Variants in PCDHA3 observed in about 807,000 individuals in gnomAD.
PCDHA3 encodes protocadherin alpha 3.
In PCDHA3, 41 loss-of-function variants were observed where a neutral mutation model predicts 62.2. The ratio of observed to expected loss-of-function variants is 0.66; its 90% CI spans 0.51 to 0.86. The LOEUF (loss-of-function observed/expected upper bound fraction) is 0.86, where lower values mean the gene tolerates loss of function less well. Among genes scored for constraint, PCDHA3 ranks in the 40% least tolerant of loss-of-function variants. The pLI is 0.00. For missense variants in PCDHA3, 1,304 were observed against 1,241.2 expected (o/e 1.05, Z -0.76); for synonymous variants, 640 against 555.4 (o/e 1.15, Z -2.14).
chr5:140,843,519 G>A, intron 1 of PCDHA3: 1 of 1,595,904 alleles, frequency 6.3e-7, no homozygotes, highest in Non-Finnish European at 8.6e-7. Context: ...GGCGGGTGCC[G>A]GGCGGGCAAG....
intron 1 of PCDHA3, chr5:140,821,891 A>T (rs2150111674): frequency 6.2e-7 from 1 of 1,614,232 alleles, no homozygotes; most frequent in African/African-American, 1.3e-5. Context: ...GAGGAAGCCA[A>T]ACACGGAACC....
chr5:140,821,588 C>T, intron 1 of PCDHA3: 3 of 650,426 alleles, frequency 4.6e-6, no homozygotes, highest in Middle Eastern at 4.2e-4. Context: ...TTCTCCCTTC[C>T]CAGCCTCAAA....
intron 1 of PCDHA3, chr5:140,841,949 T>G (rs2150326373): frequency 6.2e-7 from 1 of 1,613,920 alleles, no homozygotes. Context: ...TGCGCACCAC[T>G]TATTCCTGAC....
rs782184518 is a variant in PCDHA3 at position 140,875,731 on chromosome 5, A to G, written c.2394+72140A>G. On this transcript the variant is annotated intron_variant, in intron 1 of 3. Transcript: ENST00000522353. ...TCTGCAGAATGGCATTTTGTTTGTG[A>G]ATTCTCGGATCGACCGCGAGAAGCT... The G allele has an allele frequency of 1.2e-6, 2 of 1,614,032 alleles. No individual in the cohort carries two copies. Among genetic ancestry groups the G allele is most frequent in the African/African-American group, 2.7e-5 (2 of 74,906 alleles).
In PCDHA3 at chr5:140,882,314, C is replaced by G. The variant is rs370330527; in HGVS notation, c.2394+78723C>G. 9 of 1,614,000 alleles carry G rather than the reference C, an allele frequency of 5.6e-6. No individual in the cohort carries two copies. The Admixed American group carries it at 6.7e-5, about 12-fold the overall frequency. On this transcript the variant is annotated intron_variant, in intron 1 of 3. Transcript: ENST00000522353. ...AGGCCCAAGACCGCGGCAACTACTGCTCTGGCTTCTGATCCTCGCAGCCTG... is the reference window on the plus strand; with the variant it reads ...AGGCCCAAGACCGCGGCAACTACTGGTCTGGCTTCTGATCCTCGCAGCCTG...
At chr5:140,902,395 G>A (rs782771913) in intron 1 of PCDHA3, among the ~76,000 whole-genome samples, 2 of 151,802 alleles carry the variant, frequency 1.3e-5, no homozygotes, top group Non-Finnish European at 2.9e-5. Context: ...GTACTATGTT[G>A]AATACTATGT....
chr5:140,922,268 A>T (rs2153564244), intron 1 of PCDHA3, among the ~76,000 whole-genome samples: 1 of 152,382 alleles, frequency 6.6e-6, no homozygotes, highest in Non-Finnish European at 1.5e-5. Context: ...TGCCATGAAG[A>T]TTGGACCAAG....
chr5:140,821,288 C>T (rs1439871895), intron 1 of PCDHA3, among the ~76,000 whole-genome samples: 4 of 152,094 alleles, frequency 2.6e-5, no homozygotes, highest in African/African-American at 4.8e-5. Context: ...AATATATAAA[C>T]TCCTCCCTAT....
At position 140,913,388 on chromosome 5, in the gene PCDHA3, G is replaced by A. The variant is rs180918053; in HGVS notation, c.2395-65561G>A. On this transcript the variant is annotated intron_variant, in intron 1 of 3. Coordinates refer to ENST00000522353, the MANE Select transcript of PCDHA3 (RefSeq NM_018906.3). ...TATTGGCATATAGTGGCTCATCATAGCCACTAATGATCCTTTGAATTCCTG... is the reference window on the plus strand; with the variant it reads ...TATTGGCATATAGTGGCTCATCATAACCACTAATGATCCTTTGAATTCCTG... Among the ~76,000 whole-genome samples, 155 of 152,188 alleles carry A rather than the reference G, an allele frequency of 1.0e-3. 2 individuals are homozygous for A. The highest frequency in any genetic ancestry group is 3.7e-3 in the African/African-American group (152 of 41,534).
chr5:140,862,682 T>C (rs536714837), intron 1 of PCDHA3: 55 of 551,686 alleles, frequency 1.0e-4, no homozygotes, highest in South Asian at 7.3e-4. Flanking sequence ...AACGTGCTGG[T>C]GTCCTACTCG....
At chr5:140,850,071 G>A (rs2150465789) in intron 1 of PCDHA3, 1 of 1,596,556 alleles carries the variant, frequency 6.3e-7, no homozygotes, top group Non-Finnish European at 8.6e-7. Flanking sequence ...GTTGGACCAC[G>A]AGGAGCTGGA....
At chr5:140,904,107 T>A (rs1214453471) in intron 1 of PCDHA3, among the ~76,000 whole-genome samples, 3 of 152,216 alleles carry the variant, frequency 2.0e-5, no homozygotes, top group Non-Finnish European at 4.4e-5. Context: ...TAGTGGTCAT[T>A]GCTGAGATTT....
chr5:140,882,127 C>A (rs2058964637), intron 1 of PCDHA3: 23 of 1,464,566 alleles, frequency 1.6e-5, no homozygotes, highest in Admixed American at 4.6e-5. Flanking sequence ...TTTCTTTCTT[C>A]CTGCAGAAAA....
chr5:140,922,381 A>T (rs1554200794), intron 1 of PCDHA3, among the ~76,000 whole-genome samples: 2 of 152,208 alleles, frequency 1.3e-5, no homozygotes, highest in Admixed American at 6.5e-5. Flanking sequence ...TGCAAAACCA[A>T]AGACTCCTTG....
intron 1 of PCDHA3, chr5:140,884,248 G>T (rs1554181373): frequency 1.2e-6 from 2 of 1,613,458 alleles, no homozygotes; most frequent in East Asian, 4.5e-5. Flanking sequence ...CCGCGCTGAC[G>T]GCCACGGCAA....
At chr5:140,910,924 A>T (rs568597600) in intron 1 of PCDHA3, among the ~76,000 whole-genome samples, 1 of 152,142 alleles carries the variant, frequency 6.6e-6, no homozygotes, top group Admixed American at 6.5e-5. Flanking sequence ...GCTTATATAA[A>T]TAAGAAAGCT....
rs139390480 is a variant in PCDHA3, at chr5:140,856,945, A to T, written c.2394+53354A>T. ...AATTTTGGATAAACGAAAGGACGGGAGAAATAAAAGTAAATGATGCTATTG... is the reference window on the plus strand; with the variant it reads ...AATTTTGGATAAACGAAAGGACGGGTGAAATAAAAGTAAATGATGCTATTG... On this transcript the variant is annotated intron_variant, in intron 1 of 3. Transcript: ENST00000522353. The T allele has an allele frequency of 3.8e-6, 6 of 1,593,208 alleles. No individual in the cohort carries two copies. The highest frequency in any genetic ancestry group is 5.2e-6 in the Non-Finnish European group (6 of 1,163,192).
chr5:140,969,129 C>G (rs576180714), intron 1 of PCDHA3: 4 of 1,614,144 alleles, frequency 2.5e-6, no homozygotes, highest in Admixed American at 1.7e-5. Context: ...GGCTCCCTCA[C>G]CAAGACCTAC....
chr5:140,874,521 T>C (rs571924676), intron 1 of PCDHA3, among the ~76,000 whole-genome samples: 4 of 152,358 alleles, frequency 2.6e-5, no homozygotes, highest in African/African-American at 9.6e-5. Flanking sequence ...CTTTAGTCAA[T>C]GAGATTAGGC....
Sources: gnomAD v4.1 joint callset for allele counts (sites outside exome capture counted in the v4.1 genomes callset) on GRCh38, gnomAD v4.1.1 for gene constraint, MANE v1.5 for transcripts, NCBI Gene and HGNC (gene_info 2026-07-23, HGNC 2026-07-21) for gene names.